Variants in TOPBP1 observed in about 807,000 individuals in gnomAD.
TOPBP1 encodes DNA topoisomerase 2-binding protein 1.
A neutral mutation model predicts 167.7 loss-of-function variants in TOPBP1; 28 were observed. The ratio of observed to expected loss-of-function variants is 0.17; its 90% CI spans 0.12 to 0.23. TOPBP1 has a LOEUF of 0.23. Among genes scored for constraint, TOPBP1 ranks in the 10% least tolerant of loss-of-function variants. The pLI, the probability that TOPBP1 is intolerant of heterozygous loss-of-function variation, is 1.00. For synonymous variants in TOPBP1, 598 were observed against 611.4 expected (o/e 0.98, Z 0.32); for missense variants, 1,554 against 1,809.6 (o/e 0.86, Z 2.56).
chr3:133,613,189 G>A (rs1012669721), intron 23 of TOPBP1, among the ~76,000 whole-genome samples: 68 of 152,214 alleles, frequency 4.5e-4, no homozygotes, highest in Middle Eastern at 3.4e-3. Context: ...GCAAATTCTA[G>A]ATACCATGTT....
At chr3:133,608,366 A>G (rs1934557697) in intron 27 of TOPBP1, among the ~76,000 whole-genome samples, 169 bp downstream of exon 27, 1 of 152,186 alleles carries the variant, frequency 6.6e-6, no homozygotes. Flanking sequence ...TATGTTCATT[A>G]TAATAAAAAA....
rs948942352 is a variant in TOPBP1 at position 133,638,204 on chromosome 3, T to C, written c.2234-42A>G. On this transcript the variant is annotated intron_variant, in intron 13 of 27. Transcript: ENST00000260810. ...AAAAGAAACAAATATGAGCCACTAA[T>C]GCCCACTTTTTCCCGGTACACAAGA... 3 of 1,571,258 alleles carry C rather than the reference T, an allele frequency of 1.9e-6. No individual in the cohort carries two copies. In the African/African-American group the frequency reaches 4.1e-5, roughly 21 times the overall value.
chr3:133,641,365 ATTTG>A (rs1559825175), intron 12 of TOPBP1, among the ~76,000 whole-genome samples: 2 of 152,206 alleles, frequency 1.3e-5, no homozygotes, highest in South Asian at 2.1e-4. Flanking sequence ...CAAAATATAT[ATTTG>A]TTTGTTTGTT....
intron 16 of TOPBP1, among the ~76,000 whole-genome samples, chr3:133,625,415 G>A (rs1935235786): frequency 6.6e-6 from 1 of 152,176 alleles, no homozygotes; most frequent in Admixed American, 6.5e-5. Context: ...GAATATCTCT[G>A]AGCTTTTTAA....
intron 14 of TOPBP1, among the ~76,000 whole-genome samples, chr3:133,632,918 G>A (rs1458929405): frequency 1.3e-5 from 2 of 152,048 alleles, no homozygotes; most frequent in Admixed American, 1.3e-4. Flanking sequence ...GGCTACAGAC[G>A]TGCACCACCA....
In TOPBP1 at chr3:133,612,505, T is replaced by C. The variant is rs1183116414; in HGVS notation, c.3919A>G (p.Ile1307Val). Residue 1307 changes from isoleucine to valine, a missense_variant, in exon 24 of 28, where the codon ATT becomes GTT. Coordinates refer to ENST00000260810, the MANE Select transcript of TOPBP1 (RefSeq NM_007027.4). ...TTTCGAAGTGGATGTCCCACAACAA[T>C]GTGTGTACAGGTGGGATCAAAGCAC... ...KQCFDPTCTH[I>V]VVGHPLRNEK... The C allele has an allele frequency of 6.2e-7, 1 of 1,613,946 alleles. No homozygotes were observed. Among genetic ancestry groups the C allele is most frequent in the Non-Finnish European group, 8.5e-7 (1 of 1,179,854 alleles).
chr3:133,631,434 C>T (rs1209548990), intron 14 of TOPBP1, among the ~76,000 whole-genome samples: 2 of 152,154 alleles, frequency 1.3e-5, no homozygotes, highest in Non-Finnish European at 2.9e-5. Context: ...TACTGCCTAC[C>T]TGCAATTATA....
intron 24 of TOPBP1, among the ~76,000 whole-genome samples, chr3:133,612,166 T>C (rs1437327766): frequency 6.6e-6 from 1 of 151,902 alleles, no homozygotes; most frequent in East Asian, 1.9e-4. Flanking sequence ...CTCAGCCTCC[T>C]GAGTAACTGG....
At chr3:133,610,840 A>G (rs2107772018) in intron 25 of TOPBP1, among the ~76,000 whole-genome samples, 164 bp downstream of exon 25, 1 of 152,302 alleles carries the variant, frequency 6.6e-6, no homozygotes, top group South Asian at 2.1e-4. Flanking sequence ...AATATGGGCC[A>G]CATTTTACAT....
chr3:133,657,443 G>A (rs916072606), intron 4 of TOPBP1, among the ~76,000 whole-genome samples: 1 of 149,296 alleles, frequency 6.7e-6, no homozygotes, highest in East Asian at 2.0e-4. Flanking sequence ...GTGCAGTGGC[G>A]TGATGTTGGC....
chr3:133,641,439 C>T (rs2107811615), intron 12 of TOPBP1, among the ~76,000 whole-genome samples: 1 of 152,300 alleles, frequency 6.6e-6, no homozygotes, highest in South Asian at 2.1e-4. Context: ...CACTGTGACT[C>T]ACTGCAGCCT....
intron 27 of TOPBP1, among the ~76,000 whole-genome samples, chr3:133,604,356 C>T (rs777535179): frequency 5.9e-5 from 9 of 151,564 alleles, no homozygotes; most frequent in South Asian, 2.1e-4. Context: ...AGGCTGGTCT[C>T]GAACCCCTGA....
At chr3:133,614,201 A>G (rs1271594972) in intron 23 of TOPBP1, among the ~76,000 whole-genome samples, 1 of 152,164 alleles carries the variant, frequency 6.6e-6, no homozygotes, top group South Asian at 2.1e-4. Flanking sequence ...GCCAGGAACT[A>G]CTTAAAGTGC....
Position 133,653,408 on chromosome 3 carries a change from T to C in TOPBP1, c.859A>G (p.Arg287Gly). The change falls in exon 7 of 28, where the codon AGA becomes GGA. Residue 287 changes from arginine (R) to glycine (G), a missense_variant. By Grantham distance (125) the Arg-to-Gly change is moderately radical. This residue lies in a region of TOPBP1 where 1,197 missense variants were observed against 1,351.5 expected (regional missense o/e 0.89). Transcript: ENST00000260810. ...QDESIYKTEPRPEAKTMPNSS... is the reference protein window; with the variant it reads ...QDESIYKTEPGPEAKTMPNSS... ...TTGGGCATAGTCTTTGCTTCTGGTCTAGGTTCTGTCTTGTATATGGATTCA... is the reference window on the plus strand; with the variant it reads ...TTGGGCATAGTCTTTGCTTCTGGTCCAGGTTCTGTCTTGTATATGGATTCA... 6.2e-7 allele frequency: 1 copy of C among 1,613,114 alleles called. No individual in the cohort carries two copies. The highest frequency in any genetic ancestry group is 8.5e-7 in the Non-Finnish European group (1 of 1,179,646).
intron 20 of TOPBP1, 110 bp from the exon 21 acceptor site, chr3:133,618,543 T>A: frequency 1.2e-6 from 1 of 854,852 alleles, no homozygotes; most frequent in Non-Finnish European, 1.8e-6. Flanking sequence ...GCCCACCATC[T>A]AGCACACAGT....
At chr3:133,647,551 A>G (rs1459092150) in intron 10 of TOPBP1, among the ~76,000 whole-genome samples, 1 of 152,180 alleles carries the variant, frequency 6.6e-6, no homozygotes, top group Non-Finnish European at 1.5e-5. Flanking sequence ...AGAACAAAAA[A>G]TACAAATACA....
chr3:133,651,234 C>T (rs1260928709), intron 8 of TOPBP1, among the ~76,000 whole-genome samples: 2 of 137,162 alleles, frequency 1.5e-5, no homozygotes, highest in African/African-American at 2.7e-5. Context: ...TTGACCAGGC[C>T]GGAGTGCAAT....
intron 14 of TOPBP1, 97 bp downstream of exon 14, chr3:133,637,779 A>G: frequency 7.6e-7 from 1 of 1,323,400 alleles, no homozygotes; most frequent in Non-Finnish European, 1.0e-6. Flanking sequence ...TCTCTGGAAA[A>G]TTTATTACTA....
chr3:133,623,433 G>A lies in TOPBP1; in HGVS notation c.2953C>T (p.Pro985Ser), dbSNP rs781165125. 59 of 1,611,978 alleles carry A rather than the reference G, an allele frequency of 3.7e-5. No homozygotes were observed. The highest frequency in any genetic ancestry group is 1.5e-4 in the Admixed American group (9 of 59,736). ...TAAGTATGTGGATAAAGAGATTCAGGAAGATGTTTACACTCTTGGGCACAC... is the reference window on the plus strand; with the variant it reads ...TAAGTATGTGGATAAAGAGATTCAGAAAGATGTTTACACTCTTGGGCACAC... Reference protein sequence around the residue: ...LDCAQECKHLPESLYPHTYNP... With the variant: ...LDCAQECKHLSESLYPHTYNP... The change falls in exon 18 of 28, where the codon CCT (proline) becomes TCT (serine). Residue 985 changes from proline (P) to serine (S), a missense_variant. By Grantham distance (74) the Pro-to-Ser change is moderately conservative. Around this residue, in one of 3 missense-constraint regions of TOPBP1, gnomAD observed 1,197 missense variants for 1,351.5 expected, o/e 0.89. Coordinates refer to ENST00000260810, the MANE Select transcript of TOPBP1 (RefSeq NM_007027.4).
Sources: allele counts gnomAD v4.1 joint callset (sites outside exome capture counted in the v4.1 genomes callset), GRCh38; gene constraint gnomAD v4.1.1; regional missense constraint gnomAD v4.1.1; transcripts MANE v1.5; gene names NCBI Gene and HGNC (gene_info 2026-07-23, HGNC 2026-07-21).